The following FLRT3 variants were observed in gnomAD, a reference collection of about 807,000 sequenced individuals.
FLRT3 encodes the protein leucine-rich repeat transmembrane protein FLRT3.
FLRT3 carries 17 observed loss-of-function variants against 42.6 expected under a neutral mutation model. The ratio of observed to expected loss-of-function variants is 0.40; its 90% CI spans 0.27 to 0.60. The LOEUF (loss-of-function observed/expected upper bound fraction) is 0.60, where lower values mean the gene tolerates loss of function less well. Among genes scored for constraint, FLRT3 ranks in the 20% least tolerant of loss-of-function variants. FLRT3 has a pLI of 0.44. For synonymous variants in FLRT3, 279 were observed against 286.4 expected, an observed-to-expected ratio of 0.97 and a Z score of 0.26; for missense variants, 635 against 789.2, an observed-to-expected ratio of 0.80 and a Z score of 2.34.
chr20:14,334,100 C>A, intron 1 of FLRT3, among the ~76,000 whole-genome samples: 1 of 152,152 alleles, frequency 6.6e-6, no homozygotes, highest in East Asian at 1.9e-4. Context: ...TATGCATATG[C>A]AAAACAAATG....
chr20:14,327,769 A>C (rs2082762040), intron 2 of FLRT3, among the ~76,000 whole-genome samples: 1 of 152,114 alleles, frequency 6.6e-6, no homozygotes. Context: ...TTTCTTTATA[A>C]ATTAAAAAGT....
At chr20:14,331,763 G>A (rs554605486) in intron 1 of FLRT3, among the ~76,000 whole-genome samples, 4 of 152,156 alleles carry the variant, frequency 2.6e-5, no homozygotes, top group East Asian at 1.9e-4. Flanking sequence ...AAAAATGAAC[G>A]ATCCTCTCCT....
chr20:14,332,381 C>A (rs552027038), intron 1 of FLRT3, among the ~76,000 whole-genome samples: 1 of 152,180 alleles, frequency 6.6e-6, no homozygotes, highest in South Asian at 2.1e-4. Context: ...CGGCAATCTA[C>A]ATGTTTATGT....
At position 14,325,972 on chromosome 20, in the gene FLRT3, G is replaced by C; in HGVS notation, c.1535C>G (p.Thr512Ser). Reference sequence around the variant, plus strand: ...TTCTTTCTCTTGCTCTCGATTGAGGGTGGTTGTAGGGTTGTACATTCGAAG... The same window carrying C: ...TTCTTTCTCTTGCTCTCGATTGAGGCTGGTTGTAGGGTTGTACATTCGAAG... ...APLRMYNPTTTLNREQEKEPY... is the reference protein window; with the variant it reads ...APLRMYNPTTSLNREQEKEPY... The change falls in exon 3 of 3, where the codon ACC becomes AGC. Residue 512 changes from threonine (T) to serine (S), a missense_variant. Transcript: ENST00000341420. 6.2e-7 allele frequency: 1 copy of C among 1,613,918 alleles called. No individual in the cohort carries two copies. The highest frequency in any genetic ancestry group is 1.1e-5 in the South Asian group (1 of 91,088).
Position 14,325,266 on chromosome 20 carries a change from G to A in FLRT3, c.*291C>T. 4.2e-6 allele frequency: 1 copy of A among 240,006 alleles called. No individual in the cohort carries two copies. The highest frequency in any genetic ancestry group is 8.0e-6 in the Non-Finnish European group (1 of 125,768). The allele number at this position is 240,006 out of a possible 1,614,324, so 14.9% of individuals were successfully genotyped here. ...GTCATCTTACTCAGTAGAACACAAA[G>A]TAAATGGTTTATAACTCCAATATTT... On this transcript the variant is annotated 3_prime_UTR_variant, in exon 3 of 3. Transcript: ENST00000341420.
intron 1 of FLRT3, among the ~76,000 whole-genome samples, chr20:14,334,054 C>T (rs370263202): frequency 6.6e-6 from 1 of 152,190 alleles, no homozygotes; most frequent in Non-Finnish European, 1.5e-5. Flanking sequence ...GCTTTTTATA[C>T]ATCCCTGACA....
rs776024502 is a variant in FLRT3, at chr20:14,326,426, C to T, written c.1081G>A (p.Val361Ile). Reference protein sequence around the residue: ...ELFDCKDSGIVSTIQITTAIP... With the variant: ...ELFDCKDSGIISTIQITTAIP... Reference sequence around the variant, plus strand: ...GCAGTGGTTATCTGAATGGTGCTTACAATCCCACTGTCCTTACAATCAAAC... The same window carrying T: ...GCAGTGGTTATCTGAATGGTGCTTATAATCCCACTGTCCTTACAATCAAAC... The change falls in exon 3 of 3, where the codon GTA becomes ATA. Residue 361 changes from valine to isoleucine, a missense_variant. Coordinates refer to ENST00000341420, the MANE Select transcript of FLRT3 (RefSeq NM_198391.3). This position sits in a 1 kb window ranked among gnomAD's most constrained non-coding sequence, Gnocchi z 5.5. 4 of 1,613,914 alleles carry T rather than the reference C, an allele frequency of 2.5e-6. No individual in the cohort carries two copies. Among genetic ancestry groups the T allele is most frequent in the Admixed American group, 1.7e-5 (1 of 60,000 alleles).
In FLRT3 at chr20:14,337,612, C is replaced by T. The variant is rs1044131816; in HGVS notation, c.-455G>A. ...AGGGAGAGCATTCCAGTTTACTGCA[C>T]ACAGCCCACCTCCAAGTCTGAAGTT... On this transcript the variant is annotated 5_prime_UTR_variant, in exon 1 of 3. It adds an upstream start codon to the 5' untranslated region. Coordinates refer to ENST00000341420, the MANE Select transcript of FLRT3 (RefSeq NM_198391.3). 2.2e-4 allele frequency: 89 copies of T among 398,478 alleles called. No individual in the cohort carries two copies. Among genetic ancestry groups the T allele is most frequent in the Non-Finnish European group, 3.0e-4 (68 of 226,112 alleles). 24.7% of individuals were successfully genotyped at this position (398,478 alleles called of 1,614,324 possible).
intron 2 of FLRT3, among the ~76,000 whole-genome samples, chr20:14,328,269 TAAC>T (rs2082770810): frequency 6.6e-6 from 1 of 152,170 alleles, no homozygotes; most frequent in African/African-American, 2.4e-5. Context: ...TACATCCAGC[TAAC>T]CTAAGTGGAA....
rs2082701273 is a variant in FLRT3 at position 14,324,339 on chromosome 20, G to A, written c.*1218C>T. ...GAAAAGTGATATGGTTTTTCAACAA[G>A]TAACAGCTCACAATTCAGTAGGAAG... is the stretch of plus-strand genomic sequence containing the variant. On this transcript the variant is annotated 3_prime_UTR_variant, in exon 3 of 3. Coordinates refer to ENST00000341420, the MANE Select transcript of FLRT3 (RefSeq NM_198391.3). 6.6e-6 allele frequency: 1 copy of A among 152,312 alleles called. No individual in the cohort carries two copies. Among genetic ancestry groups the A allele is most frequent in the South Asian group, 2.1e-4 (1 of 4,828 alleles). 9.4% of individuals were successfully genotyped at this position (152,312 alleles called of 1,614,324 possible).
Position 14,325,565 on chromosome 20 carries a change from G to A in FLRT3, c.1942C>T (p.His648Tyr), listed in dbSNP as rs747707820. ...CTGTGAGTCCTTCAGCATCATGAGT[G>A]TGAGTGATCTGAGTCTGGAATACCA... ...DSGIPDSDHS[H>Y]S Residue 648 changes from histidine to tyrosine, a missense_variant, in exon 3 of 3, where the codon CAC (histidine) becomes TAC (tyrosine). His to Tyr is a moderately conservative substitution (Grantham distance 83). Coordinates refer to ENST00000341420, the MANE Select transcript of FLRT3 (RefSeq NM_198391.3). 1 of 1,609,452 alleles carries A rather than the reference G, an allele frequency of 6.2e-7. No individual in the cohort carries two copies. Among genetic ancestry groups the A allele is most frequent in the Non-Finnish European group, 8.5e-7 (1 of 1,177,326 alleles).
chr20:14,327,556 A>T lies in FLRT3; in HGVS notation c.-50T>A. The T allele has an allele frequency of 6.5e-7, 1 of 1,535,086 alleles. No individual in the cohort carries two copies. Among genetic ancestry groups the T allele is most frequent in the African/African-American group, 1.4e-5 (1 of 72,200 alleles). On this transcript the variant is annotated splice_region_variant and 5_prime_UTR_variant, in exon 3 of 3. Transcript: ENST00000341420. ...ACAAGGTAGCTTCCGTTACTTCAGA[A>T]CCCTAAAATGAAGTGAGTAAAAAAA...
intron 1 of FLRT3, among the ~76,000 whole-genome samples, chr20:14,336,326 A>G (rs998444970): frequency 1.4e-4 from 21 of 152,134 alleles, no homozygotes; most frequent in Admixed American, 1.3e-3. Context: ...AAATTGAAAA[A>G]AAAATCAATT....
chr20:14,331,406 G>A (rs191285139), intron 1 of FLRT3, among the ~76,000 whole-genome samples: 1 of 152,156 alleles, frequency 6.6e-6, no homozygotes, highest in Admixed American at 6.6e-5. Context: ...TGTTTGATAT[G>A]CAAACTCACA....
In FLRT3 at chr20:14,326,982, C is replaced by G. The variant is rs753343154; in HGVS notation, c.525G>C (p.Arg175Ser). The G allele has an allele frequency of 1.2e-6, 2 of 1,613,696 alleles. No homozygotes were observed. The highest frequency in any genetic ancestry group is 1.7e-6 in the Non-Finnish European group (2 of 1,179,766). ...CATCCAAGCGTAGTTCTTCTATAGT[C>G]CTGGGCAAACCCCAGGGAATTGTGC... is the stretch of plus-strand genomic sequence containing the variant. ...HLSTIPWGLP[R>S]TIEELRLDDN... Residue 175 changes from arginine to serine, a missense_variant, in exon 3 of 3, where the codon AGG becomes AGC. Arg to Ser is a moderately radical substitution (Grantham distance 110). Coordinates refer to ENST00000341420, the MANE Select transcript of FLRT3 (RefSeq NM_198391.3). The surrounding 1 kb of genome is among the most constrained non-coding windows in gnomAD (Gnocchi z 5.5).
In FLRT3 at chr20:14,326,089, G is replaced by A; in HGVS notation, c.1418C>T (p.Ser473Leu). 1 of 1,613,912 alleles carries A rather than the reference G, an allele frequency of 6.2e-7. No homozygotes were observed. The highest frequency in any genetic ancestry group is 8.5e-7 in the Non-Finnish European group (1 of 1,179,888). The change falls in exon 3 of 3, where the codon TCA (serine) becomes TTA (leucine). Residue 473 changes from serine (S) to leucine (L), a missense_variant. By Grantham distance (145) the Ser-to-Leu change is moderately radical (BLOSUM62 -2). Coordinates refer to ENST00000341420, the MANE Select transcript of FLRT3 (RefSeq NM_198391.3). This position sits in a 1 kb window ranked among gnomAD's most constrained non-coding sequence, Gnocchi z 5.5. ...EYLVTALEPD[S>L]PYKVCMVPME... ...GGGAACCATGCATACTTTATAGGGT[G>A]AATCAGGCTCCAGGGCTGTGACCAA... is the stretch of plus-strand genomic sequence containing the variant.
chr20:14,324,079 T>G lies in FLRT3; in HGVS notation c.*1478A>C, dbSNP rs891104079. 6.6e-6 allele frequency: 1 copy of G among 152,558 alleles called. No homozygotes were observed. Among genetic ancestry groups the G allele is most frequent in the South Asian group, 2.1e-4 (1 of 4,830 alleles). 9.5% of individuals were successfully genotyped at this position (152,558 alleles called of 1,614,324 possible). On this transcript the variant is annotated 3_prime_UTR_variant, in exon 3 of 3. Coordinates refer to ENST00000341420, the MANE Select transcript of FLRT3 (RefSeq NM_198391.3). Reference sequence around the variant, plus strand: ...GTTTAGGACTAATGTGCTGGGCAATTTGCTACTTAGTGATAGTAACACAAT... The same window carrying G: ...GTTTAGGACTAATGTGCTGGGCAATGTGCTACTTAGTGATAGTAACACAAT...
chr20:14,325,544 G>T lies in FLRT3; in HGVS notation c.*13C>A. 6.3e-7 allele frequency: 1 copy of T among 1,596,288 alleles called. No individual in the cohort carries two copies. Among genetic ancestry groups the T allele is most frequent in the South Asian group, 1.1e-5 (1 of 87,700 alleles). On this transcript the variant is annotated 3_prime_UTR_variant, in exon 3 of 3. Transcript: ENST00000341420. ...AAAACCCAAAACACAAGTCTGCTGT[G>T]AGTCCTTCAGCATCATGAGTGTGAG...
chr20:14,328,100 T>G (rs776690388), intron 2 of FLRT3, among the ~76,000 whole-genome samples: 1 of 152,110 alleles, frequency 6.6e-6, no homozygotes, highest in Non-Finnish European at 1.5e-5. Context: ...TACACACATC[T>G]TGAGATCCTC....
Sources: allele counts gnomAD v4.1 joint callset (sites outside exome capture counted in the v4.1 genomes callset), GRCh38; gene constraint gnomAD v4.1.1; non-coding constraint Gnocchi (gnomAD v3.1); transcripts MANE v1.5; gene names NCBI Gene and HGNC (gene_info 2026-07-23, HGNC 2026-07-21).